PHB1: variants seen among roughly 807,000 people sequenced by gnomAD.
PHB1 encodes the protein prohibitin 1, also known as epididymis luminal protein 215.
chr17:49,409,982 T>C, the PHB1 span, among the ~76,000 whole-genome samples: 2 of 152,100 alleles, frequency 1.3e-5, no homozygotes, highest in African/African-American at 2.4e-5. Context: ...CTGGGCTCAG[T>C]TGATCCTCCC....
At chr17:49,406,932 G>A in the PHB1 span, 4 of 986,518 alleles carry the variant, frequency 4.1e-6, no homozygotes, top group Admixed American at 3.6e-5. Flanking sequence ...CATGGCCGCT[G>A]GAAGAAGAGG....
At chr17:49,404,867 C>T in the PHB1 span, 1 of 664,408 alleles carries the variant, frequency 1.5e-6, no homozygotes. Context: ...CCTTTATTTC[C>T]TTCACTTTAA....
chr17:49,404,980 C>A, the PHB1 span: 2 of 1,543,214 alleles, frequency 1.3e-6, no homozygotes, highest in Non-Finnish European at 1.8e-6. Flanking sequence ...GAGGTGCAGG[C>A]AGGGTGGGCC....
chr17:49,409,930 T>A, the PHB1 span, among the ~76,000 whole-genome samples: 2 of 152,188 alleles, frequency 1.3e-5, no homozygotes, highest in Non-Finnish European at 2.9e-5. Context: ...CAGGCTGAAG[T>A]GCAGTGGTAA....
the PHB1 span, among the ~76,000 whole-genome samples, chr17:49,407,718 C>T: frequency 1.3e-5 from 2 of 152,338 alleles, no homozygotes; most frequent in African/African-American, 2.4e-5. Context: ...ACTCTCCCAA[C>T]CTCTGCTTTT....
chr17:49,409,536 TTTTTTTG>T, the PHB1 span: 4 of 1,076,288 alleles, frequency 3.7e-6, no homozygotes, highest in South Asian at 6.7e-5. Context: ...ACAAGTGTTT[TTTTTTTG>T]TTTTTTTTTT....
chr17:49,413,372 T>C, the PHB1 span: 2 of 743,526 alleles, frequency 2.7e-6, no homozygotes, highest in Non-Finnish European at 4.6e-6. Context: ...AACAGTCACT[T>C]TTCAACCTGG....
the PHB1 span, chr17:49,413,387 T>A: frequency 1.5e-6 from 1 of 686,232 alleles, no homozygotes; most frequent in South Asian, 1.6e-5. Flanking sequence ...ACCTGGCTAT[T>A]TATTTCCCCA....
At chr17:49,413,012 C>T in the PHB1 span, 1 of 588,998 alleles carries the variant, frequency 1.7e-6, no homozygotes, top group African/African-American at 1.9e-5. Context: ...GTCAGGGGCT[C>T]TGATAACAAT....
At chr17:49,409,173 A>G in the PHB1 span, 1 of 1,597,228 alleles carries the variant, frequency 6.3e-7, no homozygotes, top group Non-Finnish European at 8.6e-7. Context: ...TTTCAAAGGG[A>G]GGAGCAGAAG....
chr17:49,408,964 G>A, the PHB1 span: 9 of 854,712 alleles, frequency 1.1e-5, no homozygotes, highest in Non-Finnish European at 1.1e-5. Flanking sequence ...ACCTAATAGC[G>A]TCTACCCAGA....
chr17:49,404,957 C>T, the PHB1 span: 3 of 1,412,680 alleles, frequency 2.1e-6, no homozygotes, highest in East Asian at 2.5e-5. Context: ...GGCTGTGGCC[C>T]AGTCAGCCCG....
chr17:49,406,866 G>C, the PHB1 span: 473,665 of 1,594,394 alleles, frequency 0.3, 76,447 homozygotes, highest in Non-Finnish European at 0.34. Flanking sequence ...TAAGGGGAGA[G>C]AGTGAGCACA....
the PHB1 span, among the ~76,000 whole-genome samples, chr17:49,408,317 G>A: frequency 6.6e-6 from 1 of 152,220 alleles, no homozygotes; most frequent in Admixed American, 6.5e-5. Context: ...CAATGCACGG[G>A]AGAACTGAAC....
the PHB1 span, chr17:49,413,324 T>G: frequency 1.2e-5 from 15 of 1,233,214 alleles, no homozygotes; most frequent in East Asian, 3.1e-4. Flanking sequence ...CAATCAAACT[T>G]GATGCCAAAT....
the PHB1 span, chr17:49,409,360 T>C: frequency 1.2e-6 from 2 of 1,614,154 alleles, no homozygotes; most frequent in Non-Finnish European, 1.7e-6. Flanking sequence ...TCAGTTGTGA[T>C]GGACGGCAGC....
At chr17:49,407,549 G>C in the PHB1 span, 1 of 152,286 alleles carries the variant, frequency 6.6e-6, no homozygotes, top group Non-Finnish European at 1.5e-5. Context: ...CAGGTCTGAC[G>C]GGACTGTCCC....
At chr17:49,409,073 G>T in the PHB1 span, 2 of 1,611,028 alleles carry the variant, frequency 1.2e-6, no homozygotes, top group African/African-American at 2.7e-5. Flanking sequence ...GAGCCCAAAG[G>T]TGGCGGCTCG....
At chr17:49,404,616 G>C in the PHB1 span, 1 of 304,518 alleles carries the variant, frequency 3.3e-6, no homozygotes, top group East Asian at 9.5e-5. Flanking sequence ...CAGGACGGAG[G>C]CCACACGTGG....
Sources: gnomAD v4.1 joint callset for allele counts (sites outside exome capture counted in the v4.1 genomes callset) on GRCh38, gnomAD v4.1.1 for gene constraint, MANE v1.5 for transcripts, NCBI Gene and HGNC (gene_info 2026-07-23, HGNC 2026-07-21) for gene names.